CCDC3: variants seen among roughly 807,000 people sequenced by gnomAD.
CCDC3 encodes the protein coiled-coil domain-containing protein 3.
CCDC3 carries 24 observed loss-of-function variants against 21.4 expected under a neutral mutation model. That is an observed-to-expected ratio of 1.12 (90% confidence interval 0.81 to 1.58). The LOEUF (loss-of-function observed/expected upper bound fraction) is 1.58, where lower values mean the gene tolerates loss of function less well. Ranked by LOEUF, CCDC3 falls within the 40% of genes most tolerant of loss-of-function variation. The probability of loss-of-function intolerance (pLI) is 0.00; values close to 1 mark genes in which losing one functional copy is unlikely to be tolerated. For missense variants in CCDC3, 425 were observed against 360.9 expected (o/e 1.18, Z -1.44); for synonymous variants, 186 against 166.0 (o/e 1.12, Z -0.93).
intron 2 of CCDC3, among the ~76,000 whole-genome samples, chr10:12,965,661 T>C (rs755937310): frequency 6.6e-6 from 1 of 152,248 alleles, no homozygotes; most frequent in Non-Finnish European, 1.5e-5. Context: ...TGATTAGCCA[T>C]GACATTCAAA....
At chr10:12,961,815 T>C (rs1446896354) in intron 2 of CCDC3, among the ~76,000 whole-genome samples, 1 of 152,158 alleles carries the variant, frequency 6.6e-6, no homozygotes, top group Non-Finnish European at 1.5e-5. Flanking sequence ...CAACCCCTCA[T>C]GAAGCTTCCA....
chr10:13,003,201 G>A (rs943409146), upstream of CCDC3, among the ~76,000 whole-genome samples: 1 of 152,216 alleles, frequency 6.6e-6, no homozygotes, highest in Admixed American at 6.5e-5. Context: ...ACACTGCCAA[G>A]TTATAATAAG....
At chr10:13,036,785 C>T (rs1365818379) in intron 5 of CCDC3, among the ~76,000 whole-genome samples, 1 of 147,196 alleles carries the variant, frequency 6.8e-6, no homozygotes, top group Non-Finnish European at 1.5e-5. Context: ...GTGCCTGGCT[C>T]TTATGTACAT....
intron 2 of CCDC3, among the ~76,000 whole-genome samples, chr10:12,978,949 G>C (rs1470498350): frequency 2.6e-5 from 4 of 152,056 alleles, no homozygotes; most frequent in Non-Finnish European, 1.5e-5. Context: ...ACTGAGTCAC[G>C]CAACACCGCC....
At chr10:12,914,432 C>A (rs1303328375) in intron 2 of CCDC3, among the ~76,000 whole-genome samples, 1 of 151,938 alleles carries the variant, frequency 6.6e-6, no homozygotes, top group East Asian at 1.9e-4. Context: ...TCTCCTCTTT[C>A]ATTTCTGATT....
intron 2 of CCDC3, among the ~76,000 whole-genome samples, chr10:12,977,208 G>A (rs150481318): frequency 0.024 from 3,678 of 152,226 alleles, 149 homozygotes; most frequent in African/African-American, 0.084. Context: ...CTGGGAGGCA[G>A]AGGTTGCTGT....
At chr10:12,965,274 A>G (rs566611994) in intron 2 of CCDC3, among the ~76,000 whole-genome samples, 1 of 152,286 alleles carries the variant, frequency 6.6e-6, no homozygotes, top group East Asian at 1.9e-4. Flanking sequence ...GTCCCTGTGC[A>G]CTTAATAAAC....
At position 12,921,999 on chromosome 10, in the gene CCDC3, G is replaced by A. The variant is rs58429506; in HGVS notation, c.550-23320C>T. ...CCTACTTCAGCCTTCCAAAGTGCTG[G>A]GATTACAGTCATGAGCCATTGTGCC... On this transcript the variant is annotated intron_variant, in intron 2 of 2. Transcript: ENST00000378825. Among the ~76,000 whole-genome samples the A allele has an allele frequency of 2.6e-5, 4 of 152,186 alleles. No individual in the cohort carries two copies. The East Asian group carries it at 5.8e-4, about 22-fold the overall frequency.
At chr10:12,909,595 C>A (rs1444417153) in intron 2 of CCDC3, among the ~76,000 whole-genome samples, 1 of 152,178 alleles carries the variant, frequency 6.6e-6, no homozygotes, top group Admixed American at 6.5e-5. Flanking sequence ...CTCTGTGGAC[C>A]CCTGTGCTTA....
upstream of CCDC3, among the ~76,000 whole-genome samples, chr10:13,001,857 G>T (rs1174167810): frequency 6.6e-6 from 1 of 151,814 alleles, no homozygotes; most frequent in African/African-American, 2.4e-5. Flanking sequence ...GCTGGGGCGG[G>T]GACCAGGGAC....
chr10:12,968,385 C>A (rs1031549158), intron 2 of CCDC3, among the ~76,000 whole-genome samples: 5 of 152,070 alleles, frequency 3.3e-5, no homozygotes, highest in African/African-American at 9.7e-5. Flanking sequence ...GAACACTGTA[C>A]CTAGCAAGGC....
chr10:12,968,651 C>T (rs998607923), intron 2 of CCDC3, among the ~76,000 whole-genome samples: 1 of 152,062 alleles, frequency 6.6e-6, no homozygotes, highest in African/African-American at 2.4e-5. Context: ...AAAGATGAAA[C>T]TATTTAAAAT....
rs577015004 is a variant in CCDC3, at chr10:12,923,727, C to CCGGT, written c.550-25052_550-25049dup. 2.6e-5 allele frequency among the ~76,000 whole-genome samples: 4 copies of CCGGT among 152,322 alleles called. No individual in the cohort carries two copies. The South Asian group carries it at 8.3e-4, about 32-fold the overall frequency. ...GTGAAGGCAGCATCTGTGTTTGACT[C>CCGGT]CGGTCTGTGTCCCTCCCGACCCGTC... On this transcript the variant is annotated intron_variant, in intron 2 of 2. Transcript: ENST00000378825.
chr10:12,970,659 G>A (rs1269300312), intron 2 of CCDC3, among the ~76,000 whole-genome samples: 1 of 152,142 alleles, frequency 6.6e-6, no homozygotes, highest in Non-Finnish European at 1.5e-5. Context: ...CAGGGCAACT[G>A]GGGATCACCT....
chr10:12,959,174 C>CTG (rs67678600), intron 2 of CCDC3, among the ~76,000 whole-genome samples: 2 of 148,210 alleles, frequency 1.3e-5, no homozygotes, highest in Non-Finnish European at 3.0e-5. Flanking sequence ...AAGCTACAAT[C>CTG]TTTTTTTTTT....
chr10:13,055,486 T>C (rs567205362), intron 4 of CCDC3, among the ~76,000 whole-genome samples: 1 of 149,370 alleles, frequency 6.7e-6, no homozygotes, highest in East Asian at 2.0e-4. Context: ...TGCACCACCA[T>C]ACCTGGTTAA....
At chr10:13,052,031 A>T (rs896649874) in intron 4 of CCDC3, among the ~76,000 whole-genome samples, 9 of 152,078 alleles carry the variant, frequency 5.9e-5, no homozygotes, top group Non-Finnish European at 8.8e-5. Context: ...GGCCCCTTTT[A>T]TGGGACTTCA....
chr10:12,937,929 G>T (rs544650737), intron 2 of CCDC3, among the ~76,000 whole-genome samples: 1 of 152,094 alleles, frequency 6.6e-6, no homozygotes, highest in Non-Finnish European at 1.5e-5. Context: ...TGGTCCCTTT[G>T]GTCTTCCATC....
chr10:13,017,713 C>T (rs544089896), intron 5 of CCDC3, among the ~76,000 whole-genome samples: 16 of 152,110 alleles, frequency 1.1e-4, no homozygotes, highest in Admixed American at 3.3e-4. Context: ...CAAGATTTTT[C>T]TTTCAACTAC....
Sources: allele counts gnomAD v4.1 joint callset (sites outside exome capture counted in the v4.1 genomes callset), GRCh38; gene constraint gnomAD v4.1.1; transcripts MANE v1.5; gene names NCBI Gene and HGNC (gene_info 2026-07-23, HGNC 2026-07-21).